The following ZHX2 variants were observed in gnomAD, a reference collection of about 807,000 sequenced individuals.
ZHX2 encodes zinc fingers and homeoboxes protein 2.
In ZHX2, 6 loss-of-function variants were observed where a neutral mutation model predicts 21.9. That is an observed-to-expected ratio of 0.27 (90% confidence interval 0.15 to 0.54). The LOEUF (loss-of-function observed/expected upper bound fraction) is 0.54, where lower values mean the gene tolerates loss of function less well. Ranked by LOEUF, ZHX2 falls within the 20% of genes least tolerant of loss-of-function variation. The pLI is 0.95. For synonymous variants in ZHX2, 434 were observed against 437.1 expected (o/e 0.99, Z 0.09); for missense variants, 908 against 1,090.7 (o/e 0.83, Z 2.36).
intron 2 of ZHX2, among the ~76,000 whole-genome samples, chr8:122,914,872 G>T (rs1292613513): frequency 6.6e-6 from 1 of 152,156 alleles, no homozygotes; most frequent in Non-Finnish European, 1.5e-5. Context: ...CTTTAAGATT[G>T]TTCCTGCTGC....
At chr8:122,935,257 G>A (rs1182580768) in intron 2 of ZHX2, among the ~76,000 whole-genome samples, 1 of 151,826 alleles carries the variant, frequency 6.6e-6, no homozygotes, top group East Asian at 1.9e-4. Context: ...TAAAACCACT[G>A]AGGAGCTTTG....
chr8:122,838,127 C>G (rs1818544654), intron 1 of ZHX2, among the ~76,000 whole-genome samples: 1 of 152,232 alleles, frequency 6.6e-6, no homozygotes, highest in South Asian at 2.1e-4. Context: ...CTGTAGCTCT[C>G]CAAGTGCTCT....
At position 122,818,234 on chromosome 8, in the gene ZHX2, G is replaced by A. The variant is rs146103452; in HGVS notation, c.-283+36288G>A. On this transcript the variant is annotated intron_variant, in intron 1 of 3. Transcript: ENST00000314393. The stretch of plus-strand genomic sequence containing the variant: ...GTCGGACTGGGTTTTTGTAAAGAGA[G>A]AGTTGGCGCCCAGGCAACATCCTTC... Among the ~76,000 whole-genome samples, 43 of 151,896 alleles carry A rather than the reference G, an allele frequency of 2.8e-4. No homozygotes were observed. In the East Asian group the frequency reaches 7.5e-3, roughly 27 times the overall value.
intron 1 of ZHX2, among the ~76,000 whole-genome samples, chr8:122,813,070 C>G (rs893619284): frequency 2.6e-5 from 4 of 152,070 alleles, no homozygotes; most frequent in Admixed American, 6.5e-5. Flanking sequence ...GCGGCACATG[C>G]CTGTAATTCC....
intron 1 of ZHX2, among the ~76,000 whole-genome samples, chr8:122,842,001 C>T (rs893253098): frequency 3.3e-5 from 5 of 152,140 alleles, no homozygotes; most frequent in African/African-American, 1.2e-4. Context: ...AGACATAGTG[C>T]TTGACTGTAG....
chr8:122,798,224 G>T (rs1817650440), intron 1 of ZHX2, among the ~76,000 whole-genome samples: 1 of 152,186 alleles, frequency 6.6e-6, no homozygotes, highest in African/African-American at 2.4e-5. Context: ...TATCAGAAGT[G>T]TTAGGGATGC....
chr8:122,918,964 C>A (rs536943425), intron 2 of ZHX2, among the ~76,000 whole-genome samples: 1,857 of 149,942 alleles, frequency 0.012, 36 homozygotes, highest in African/African-American at 0.043. Flanking sequence ...AAAAAAAAAA[C>A]TTTATTTACA....
At chr8:122,853,847 C>T (rs1312483160) in intron 1 of ZHX2, among the ~76,000 whole-genome samples, 2 of 152,268 alleles carry the variant, frequency 1.3e-5, no homozygotes, top group Admixed American at 6.5e-5. Flanking sequence ...TAACACAGCC[C>T]ATACTCCTTG....
chr8:122,807,536 C>T (rs1018729647), intron 1 of ZHX2, among the ~76,000 whole-genome samples: 2 of 152,300 alleles, frequency 1.3e-5, no homozygotes, highest in East Asian at 3.9e-4. Context: ...AACACTCTGC[C>T]TGCGACCCAC....
intron 1 of ZHX2, among the ~76,000 whole-genome samples, chr8:122,803,954 C>T (rs983324546): frequency 2.0e-5 from 3 of 152,104 alleles, no homozygotes; most frequent in African/African-American, 4.8e-5. Flanking sequence ...AGGGCCAGGG[C>T]GGGCTTTGAT....
chr8:122,887,252 G>C (rs1039542697), intron 2 of ZHX2, among the ~76,000 whole-genome samples: 1 of 152,062 alleles, frequency 6.6e-6, no homozygotes, highest in African/African-American at 2.4e-5. Context: ...GGTGGCTCAC[G>C]CCTGTAATCC....
At chr8:122,823,122 G>A (rs1818191286) in intron 1 of ZHX2, among the ~76,000 whole-genome samples, 1 of 152,222 alleles carries the variant, frequency 6.6e-6, no homozygotes, top group Admixed American at 6.5e-5. Flanking sequence ...CCCAGATCCT[G>A]TGTCTGGTCT....
chr8:122,877,410 T>C (rs1316391969), intron 2 of ZHX2, among the ~76,000 whole-genome samples: 1 of 152,194 alleles, frequency 6.6e-6, no homozygotes, highest in East Asian at 1.9e-4. Context: ...CCAGGCACTA[T>C]GTGAAGTGTT....
At chr8:122,933,734 G>T (rs1203770452) in intron 2 of ZHX2, among the ~76,000 whole-genome samples, 1 of 152,192 alleles carries the variant, frequency 6.6e-6, no homozygotes, top group Non-Finnish European at 1.5e-5. Context: ...TTTATGATTT[G>T]AAACTTAGGT....
chr8:122,919,213 C>T (rs1820678662), intron 2 of ZHX2, among the ~76,000 whole-genome samples: 1 of 152,220 alleles, frequency 6.6e-6, no homozygotes, highest in Admixed American at 6.5e-5. Flanking sequence ...TTACTCATCT[C>T]TTCCTCCTTC....
At chr8:122,943,637 G>A (rs767170023) in intron 2 of ZHX2, among the ~76,000 whole-genome samples, 6 of 152,236 alleles carry the variant, frequency 3.9e-5, no homozygotes, top group Non-Finnish European at 7.3e-5. Flanking sequence ...GAAAAGTGAA[G>A]AGCTCCCAGC....
chr8:122,898,264 C>T (rs60602131), intron 2 of ZHX2, among the ~76,000 whole-genome samples: 4,608 of 151,988 alleles, frequency 0.03, 209 homozygotes, highest in African/African-American at 0.11. Context: ...GTTAAATCAC[C>T]GGAAAGAAAT....
At chr8:122,957,296 C>CAAAA (rs34314877) in intron 3 of ZHX2, among the ~76,000 whole-genome samples, 12 of 110,342 alleles carry the variant, frequency 1.1e-4, no homozygotes, top group Admixed American at 1.9e-4. Context: ...GCTGTGTTCA[C>CAAAA]AAAAAAAAAA....
At chr8:122,960,424 G>C (rs1586427452) in intron 3 of ZHX2, among the ~76,000 whole-genome samples, 1 of 152,118 alleles carries the variant, frequency 6.6e-6, no homozygotes, top group Non-Finnish European at 1.5e-5. Context: ...TGTAGTCCCT[G>C]CCACTTGTGG....
Sources: gnomAD v4.1 joint callset for allele counts (sites outside exome capture counted in the v4.1 genomes callset) on GRCh38, gnomAD v4.1.1 for gene constraint, MANE v1.5 for transcripts, NCBI Gene and HGNC (gene_info 2026-07-23, HGNC 2026-07-21) for gene names.